Variants in USP9X observed in about 807,000 individuals in gnomAD.
USP9X encodes ubiquitin specific peptidase 9 X-linked.
USP9X carries 7 observed loss-of-function variants against 190.3 expected under a neutral mutation model. The observed-to-expected ratio is 0.04, with a 90% CI of 0.02 to 0.07. The LOEUF is 0.07. USP9X is among the 10% of genes least tolerant of loss of function. USP9X has a pLI of 1.00. For synonymous variants in USP9X, 645 were observed against 659.5 expected (o/e 0.98, Z 0.34); for missense variants, 1,010 against 1,916.9 (o/e 0.53, Z 8.83).
At chrX:41,205,646 T>A (rs2063085282) in intron 32 of USP9X, among the ~76,000 whole-genome samples, 153 bp downstream of exon 32, 1 of 108,623 alleles carries the variant, frequency 9.2e-6, no homozygotes, top group Non-Finnish European at 1.9e-5. Context: ...TTTTTTTTTT[T>A]TTTTAGGTCC....
rs776528655 is a variant in USP9X, at chrX:41,184,464, A to G, written c.3347A>G (p.His1116Arg). ...GATGATTCCTCTGATTTTCAGTTTC[A>G]CTTCTTGAAAAGTGGTGGCCTACCC... is the stretch of plus-strand genomic sequence containing the variant. ...LADDSSDFQFHFLKSGGLPLV... is the reference protein window; with the variant it reads ...LADDSSDFQFRFLKSGGLPLV... The change falls in exon 23 of 45, where the codon CAC becomes CGC. Residue 1116 changes from histidine (H) to arginine (R), a missense_variant. Coordinates refer to ENST00000378308, the MANE Select transcript of USP9X (RefSeq NM_001039591.3). The G allele has an allele frequency of 2.1e-5, 25 of 1,210,468 alleles. No homozygotes were observed. The highest frequency in any genetic ancestry group is 2.7e-5 in the Non-Finnish European group (24 of 895,178).
chrX:41,104,995 T>A (rs1024906754), intron 1 of USP9X, among the ~76,000 whole-genome samples: 14 of 110,659 alleles, frequency 1.3e-4, no homozygotes, highest in African/African-American at 4.6e-4. Context: ...AACAAAACAA[T>A]AAAAATTCCA....
At chrX:41,146,056 T>C (rs1433282054) in intron 11 of USP9X, among the ~76,000 whole-genome samples, 2 of 111,522 alleles carry the variant, frequency 1.8e-5, no homozygotes. Flanking sequence ...GAGGAAATAA[T>C]AGAATTGGTC....
In USP9X at chrX:41,150,892, A is replaced by G. The variant is rs767928076; in HGVS notation, c.1627-29A>G. 31 of 1,177,582 alleles carry G rather than the reference A, an allele frequency of 2.6e-5. 1 individual carries two copies. Among genetic ancestry groups the G allele is most frequent in the African/African-American group, 5.3e-5 (3 of 56,247 alleles). Reference sequence around the variant, plus strand: ...ATAAAATTCTCCTGAGTATTGATCTATTTAAAACATTGAAATCATTTGTTT... The same window carrying G: ...ATAAAATTCTCCTGAGTATTGATCTGTTTAAAACATTGAAATCATTTGTTT... On this transcript the variant is annotated intron_variant, in intron 12 of 44. Coordinates refer to ENST00000378308, the MANE Select transcript of USP9X (RefSeq NM_001039591.3).
At chrX:41,117,225 A>C (rs2062154686) in intron 1 of USP9X, among the ~76,000 whole-genome samples, 1 of 111,607 alleles carries the variant, frequency 9.0e-6, no homozygotes, top group Admixed American at 9.5e-5. Flanking sequence ...GGTCTTAGAG[A>C]AAGGTGTTTT....
rs1411291531 is a variant in USP9X, at chrX:41,085,558, G to A, written c.-710G>A. ...ACCCGGCCCCGTCAGGGCCTCTGTC[G>A]CGCCTAGCCCCTCCCCGCCTTACAC... On this transcript the variant is annotated 5_prime_UTR_variant, in exon 1 of 45. Coordinates refer to ENST00000378308, the MANE Select transcript of USP9X (RefSeq NM_001039591.3). The A allele has an allele frequency of 2.9e-5, 7 of 240,821 alleles. No homozygotes were observed. Among genetic ancestry groups the A allele is most frequent in the Non-Finnish European group, 5.2e-5 (7 of 135,173 alleles). 19.8% of individuals were successfully genotyped at this position (240,821 alleles called of 1,213,427 possible). A position where few individuals can be genotyped will look rare whatever the true frequency, so the allele number is the denominator to read the frequency against.
chrX:41,185,594 T>TA (rs771560359), intron 23 of USP9X, among the ~76,000 whole-genome samples: 1 of 111,490 alleles, frequency 9.0e-6, no homozygotes, highest in Admixed American at 9.5e-5. Flanking sequence ...GAATTTTCTG[T>TA]AAAAAATGGC....
intron 21 of USP9X, among the ~76,000 whole-genome samples, chrX:41,175,977 C>T (rs1042296029): frequency 3.6e-5 from 4 of 110,299 alleles, no homozygotes; most frequent in African/African-American, 1.3e-4. Flanking sequence ...CTGCAACCTC[C>T]GCCTCCCTGG....
chrX:41,232,362 A>T, intron 44 of USP9X, 25 bp from the exon 45 acceptor site: 1 of 1,199,413 alleles, frequency 8.3e-7, no homozygotes, highest in Non-Finnish European at 1.1e-6. Flanking sequence ...AAGTTTTAAC[A>T]TACAGATCTT....
rs375139936 is a variant in USP9X, at chrX:41,216,036, C to T, written c.5469C>T (p.Asp1823=). 25 of 1,209,795 alleles carry T rather than the reference C, an allele frequency of 2.1e-5. No individual in the cohort carries two copies. Among genetic ancestry groups the T allele is most frequent in the Non-Finnish European group, 2.8e-5 (25 of 895,307 alleles). Residue 1823 remains aspartate (D), a synonymous_variant, in exon 35 of 45, where the codon GAC becomes GAT. Transcript: ENST00000378308. Reference sequence around the variant, plus strand: ...ATTTTGAATTTCCTCGAGAGCTGGACATGGAACCTTACACAGTTGCAGGTG... The same window carrying T: ...ATTTTGAATTTCCTCGAGAGCTGGATATGGAACCTTACACAGTTGCAGGTG... ...NDYFEFPREL[D]MEPYTVAGVA...
intron 5 of USP9X, 74 bp downstream of exon 5, chrX:41,134,911 G>A (rs2062358046): frequency 1.3e-6 from 1 of 743,037 alleles, no homozygotes; most frequent in South Asian, 3.1e-5. Flanking sequence ...GTATATGTGT[G>A]TGTGGCTGTG....
intron 23 of USP9X, 95 bp from the exon 24 acceptor site, chrX:41,186,422 C>T: frequency 2.0e-6 from 2 of 1,007,058 alleles, no homozygotes; most frequent in Admixed American, 2.3e-5. Context: ...GCAAGGAAGT[C>T]GTTCTGCAGG....
intron 18 of USP9X, among the ~76,000 whole-genome samples, chrX:41,168,504 TTTTG>T (rs1352141803): frequency 8.9e-6 from 1 of 112,106 alleles, no homozygotes; most frequent in Non-Finnish European, 1.9e-5. Flanking sequence ...GTTGAAGTGT[TTTTG>T]TTTATTTGTT....
At chrX:41,110,896 G>A (rs1056516839) in intron 1 of USP9X, among the ~76,000 whole-genome samples, 7 of 111,931 alleles carry the variant, frequency 6.3e-5, no homozygotes, top group African/African-American at 2.3e-4. Context: ...TGGTATGGTA[G>A]TGTGGACGCT....
intron 39 of USP9X, among the ~76,000 whole-genome samples, chrX:41,224,516 G>A (rs1371851637): frequency 9.1e-6 from 1 of 110,424 alleles, no homozygotes; most frequent in Non-Finnish European, 1.9e-5. Flanking sequence ...TGCACCTGTA[G>A]TCCCAGCTAC....
intron 14 of USP9X, among the ~76,000 whole-genome samples, chrX:41,161,296 G>GAAT (rs2062627399): frequency 1.0e-5 from 1 of 99,411 alleles, no homozygotes; most frequent in South Asian, 5.0e-4. Context: ...AACAATTGGT[G>GAAT]AATACAGGTA....
intron 1 of USP9X, among the ~76,000 whole-genome samples, chrX:41,119,874 G>C (rs186960853): frequency 1.5e-3 from 166 of 112,636 alleles, no homozygotes; most frequent in Admixed American, 0.012. Flanking sequence ...CAGACCCAAA[G>C]TGGCTAAGGA....
At chrX:41,208,711 G>GT (rs1444669872) in intron 32 of USP9X, among the ~76,000 whole-genome samples, 1 of 109,365 alleles carries the variant, frequency 9.1e-6, no homozygotes, top group Non-Finnish European at 1.9e-5. Context: ...TTGTTTGTTT[G>GT]TTTTTTGTTT....
intron 24 of USP9X, among the ~76,000 whole-genome samples, chrX:41,187,694 G>A (rs911493600): frequency 1.4e-4 from 16 of 111,823 alleles, no homozygotes; most frequent in African/African-American, 3.3e-4. Flanking sequence ...AGTGGCAGAT[G>A]CCTGGACTTC....
Sources: allele counts gnomAD v4.1 joint callset (sites outside exome capture counted in the v4.1 genomes callset), GRCh38; gene constraint gnomAD v4.1.1; transcripts MANE v1.5; gene names NCBI Gene and HGNC (gene_info 2026-07-23, HGNC 2026-07-21).